RHOF: variants seen among roughly 807,000 people sequenced by gnomAD.
RHOF encodes ras homolog family member F, filopodia associated, also known as rho-related GTP-binding protein RhoF.
Under a neutral mutation model 22.2 loss-of-function variants are expected in RHOF, and 21 were observed. The observed-to-expected ratio is 0.95, with a 90% CI of 0.67 to 1.36. RHOF has a LOEUF of 1.36. Among genes scored for constraint, RHOF ranks in the 40% most tolerant of loss-of-function variants. The probability of loss-of-function intolerance (pLI) is 0.00; values close to 1 mark genes in which losing one functional copy is unlikely to be tolerated. For missense variants in RHOF, 285 were observed against 293.7 expected, an observed-to-expected ratio of 0.97 and a Z score of 0.22; for synonymous variants, 135 against 131.2, an observed-to-expected ratio of 1.03 and a Z score of -0.20.
At position 121,780,969 on chromosome 12, in the gene RHOF, G is replaced by A; in HGVS notation, c.374C>T (p.Pro125Leu). ...TGTCTTGCAGCCGATGAGCACCATG[G>A]GGATCCCGCGGCAGAAATGCGTGAC... is the stretch of plus-strand genomic sequence containing the variant. ...PEVTHFCRGI[P>L]MVLIGCKTDL... The change falls in exon 4 of 5, where the codon CCC becomes CTC. Residue 125 changes from proline (P) to leucine (L), a missense_variant. Transcript: ENST00000267205. The A allele has an allele frequency of 1.2e-6, 2 of 1,614,050 alleles. No homozygotes were observed. The highest frequency in any genetic ancestry group is 1.7e-6 in the Non-Finnish European group (2 of 1,179,956).
chr12:121,779,890 C>T (rs1236211340), intron 4 of RHOF: 4 of 538,832 alleles, frequency 7.4e-6, no homozygotes, highest in South Asian at 2.4e-5. Context: ...CCCACCCTGG[C>T]CTCTCTCCAG....
chr12:121,792,769 C>T (rs948754527), intron 2 of RHOF, among the ~76,000 whole-genome samples: 4 of 152,198 alleles, frequency 2.6e-5, no homozygotes, highest in Non-Finnish European at 5.9e-5. Context: ...CCAGGCAATC[C>T]GAGCACCAAG....
chr12:121,781,497 C>A (rs1237647838), intron 2 of RHOF: 1 of 335,344 alleles, frequency 3.0e-6, no homozygotes. Flanking sequence ...TGAGCGGCAG[C>A]CCCCCAGTCC....
intron 2 of RHOF, chr12:121,782,591 G>A (rs1160168370): frequency 6.6e-6 from 1 of 152,274 alleles, no homozygotes; most frequent in East Asian, 1.9e-4. Context: ...CACCTCTCAG[G>A]ACAAGTGGCC....
rs1874360857 is a variant in RHOF, at chr12:121,779,468, A to G, written c.*30T>C. ...GGCACCTGGGCCCCCGGGCCCTGTC[A>G]GTGCTGTCGTGAGGTCTGTCTGCCC... On this transcript the variant is annotated 3_prime_UTR_variant, in exon 5 of 5. Coordinates refer to ENST00000267205, the MANE Select transcript of RHOF (RefSeq NM_019034.3). 6.2e-7 allele frequency: 1 copy of G among 1,604,420 alleles called. No homozygotes were observed. The highest frequency in any genetic ancestry group is 8.5e-7 in the Non-Finnish European group (1 of 1,177,234).
rs769602313 is a variant in RHOF, at chr12:121,779,609, G to A, written c.525C>T (p.Ala175=). 6 of 1,614,108 alleles carry A rather than the reference G, an allele frequency of 3.7e-6. No homozygotes were observed. In the East Asian group the frequency reaches 1.3e-4, roughly 36 times the overall value. Residue 175 remains alanine, a synonymous_variant, in exon 5 of 5, where the codon GCC becomes GCT. Transcript: ENST00000267205. The part of the protein sequence containing the change: ...IRAALYLECS[A]KFRENVEDVF... ...CGTCCTCCACATTCTCCCGAAACTT[G>A]GCGGAACATTCCAGGTAGAGAGCAG...
intron 4 of RHOF, chr12:121,780,557 T>G: frequency 2.0e-6 from 1 of 493,070 alleles, no homozygotes; most frequent in Non-Finnish European, 3.6e-6. Context: ...TTGCAGTGGA[T>G]GGGACCAGAT....
At chr12:121,793,303 T>A (rs113086400) in intron 1 of RHOF, 64 bp from the exon 2 acceptor site, 27,209 of 1,474,926 alleles carry the variant, frequency 0.018, 333 homozygotes, top group Non-Finnish European at 0.023. Context: ...TCCAGCTGAA[T>A]CCACTGTCCA....
At chr12:121,789,037 C>T (rs1004240958) in intron 2 of RHOF, among the ~76,000 whole-genome samples, 8 of 152,154 alleles carry the variant, frequency 5.3e-5, no homozygotes, top group Non-Finnish European at 8.8e-5. Flanking sequence ...AGAGGGGGCC[C>T]ATCCAGCCTC....
In RHOF at chr12:121,793,516, T is replaced by G; in HGVS notation, c.118A>C (p.Ser40Arg). ...CTCACCTCGGGGAAGGAGCCCTGGCTGTACACCATGAGCAGCGAGGTCTTG... is the reference window on the plus strand; with the variant it reads ...CTCACCTCGGGGAAGGAGCCCTGGCGGTACACCATGAGCAGCGAGGTCTTG... ...CGKTSLLMVY[S>R]QGSFPEHYAP... The change falls in exon 1 of 5, where the codon AGC (serine) becomes CGC (arginine). Residue 40 changes from serine to arginine, a missense_variant. Ser to Arg is a moderately radical substitution (Grantham distance 110). Transcript: ENST00000267205. 1 of 1,543,420 alleles carries G rather than the reference T, an allele frequency of 6.5e-7. No individual in the cohort carries two copies. The highest frequency in any genetic ancestry group is 1.2e-5 in the South Asian group (1 of 84,056).
chr12:121,785,431 T>C (rs997684664), intron 2 of RHOF, among the ~76,000 whole-genome samples: 90 of 145,570 alleles, frequency 6.2e-4, no homozygotes, highest in Non-Finnish European at 8.0e-4. Context: ...ACTTTTTTTT[T>C]TTTTTTTTTT....
In RHOF at chr12:121,779,712, C is replaced by T. The variant is rs775142774; in HGVS notation, c.472-50G>A. On this transcript the variant is annotated intron_variant, in intron 4 of 4. Transcript: ENST00000267205. ...TAGGTGAGGGGCCCCTGGAGGTCTC[C>T]TAGCACCACCTGGTGGGTTTGGGAC... 1.9e-5 allele frequency: 30 copies of T among 1,597,982 alleles called. No homozygotes were observed. In the African/African-American group the frequency reaches 3.7e-4, roughly 20 times the overall value.
At chr12:121,781,311 A>G (rs1421102063) in intron 2 of RHOF, 119 bp from the exon 3 acceptor site, 2 of 827,688 alleles carry the variant, frequency 2.4e-6, no homozygotes, top group Non-Finnish European at 3.8e-6. Context: ...CCTCATCTAT[A>G]CAATGGGCAG....
In RHOF at chr12:121,781,178, CAT is replaced by C. The variant is rs748945272; in HGVS notation, c.239_240del (p.Tyr80Ter). 4 of 1,614,156 alleles carry C rather than the reference CAT, an allele frequency of 2.5e-6. No individual in the cohort carries two copies. Among genetic ancestry groups the C allele is most frequent in the Non-Finnish European group, 3.4e-6 (4 of 1,180,034 alleles). The stretch of plus-strand genomic sequence containing the variant: ...TGGTAGGACAGGGGCCGCAGCCGGT[CAT>C]AGTCTTCTTGCCCTGAAAGCACAGA... The part of the protein sequence containing the change: ...NLYDTAGQED[Y>X]DRLRPLSYQN... On this transcript the variant is annotated frameshift_variant, in exon 3 of 5. Coordinates refer to ENST00000267205, the MANE Select transcript of RHOF (RefSeq NM_019034.3). LOFTEE classifies it high-confidence loss of function.
At chr12:121,793,067 G>A in intron 2 of RHOF, 85 bp downstream of exon 2, 1 of 1,168,066 alleles carries the variant, frequency 8.6e-7, no homozygotes, top group Non-Finnish European at 1.2e-6. Context: ...GCTGCAGGGC[G>A]GGGACACCCA....
chr12:121,779,904 C>A, intron 4 of RHOF: 2 of 500,204 alleles, frequency 4.0e-6, no homozygotes, highest in Non-Finnish European at 7.2e-6. Flanking sequence ...TCTCCAGCTC[C>A]GGGCAGGGAG....
At chr12:121,784,977 A>G (rs1362514499) in intron 2 of RHOF, among the ~76,000 whole-genome samples, 2 of 152,172 alleles carry the variant, frequency 1.3e-5, no homozygotes, top group African/African-American at 2.4e-5. Flanking sequence ...GTACACACCT[A>G]TAAGACAGCT....
At chr12:121,788,819 C>T (rs1359328125) in intron 2 of RHOF, among the ~76,000 whole-genome samples, 2 of 152,030 alleles carry the variant, frequency 1.3e-5, no homozygotes, top group Non-Finnish European at 2.9e-5. Context: ...GGGGGCAGTG[C>T]CGGGAGGCAG....
rs1743519934 is a variant in RHOF at position 121,779,294 on chromosome 12, C to T, written c.*204G>A. On this transcript the variant is annotated 3_prime_UTR_variant, in exon 5 of 5. Transcript: ENST00000267205. The stretch of plus-strand genomic sequence containing the variant: ...ACTGGCTCCTGCACCCACATCACCA[C>T]CATGTCCCAGGGGCAGCCTGGAGGG... The T allele has an allele frequency of 3.3e-6, 2 of 614,072 alleles. No individual in the cohort carries two copies. The highest frequency in any genetic ancestry group is 5.7e-6 in the Non-Finnish European group (2 of 353,568). The allele number at this position is 614,072 out of a possible 1,614,324, so 38.0% of individuals were successfully genotyped here. A position where few individuals can be genotyped will look rare whatever the true frequency, so the allele number is the denominator to read the frequency against.
Sources: allele counts gnomAD v4.1 joint callset (sites outside exome capture counted in the v4.1 genomes callset), GRCh38; gene constraint gnomAD v4.1.1; transcripts MANE v1.5; gene names NCBI Gene and HGNC (gene_info 2026-07-23, HGNC 2026-07-21).